DRC4: variants seen among roughly 807,000 people sequenced by gnomAD.
DRC4 encodes the protein GAS-11.
the DRC4 span, among the ~76,000 whole-genome samples, chr16:90,020,320 A>G: frequency 6.6e-6 from 1 of 151,918 alleles, no homozygotes; most frequent in Non-Finnish European, 1.5e-5. Context: ...AAAAAAAAGA[A>G]AAGAAAAGAA....
At chr16:90,026,171 T>A in the DRC4 span, among the ~76,000 whole-genome samples, 4 of 152,064 alleles carry the variant, frequency 2.6e-5, no homozygotes, top group Non-Finnish European at 5.9e-5. Flanking sequence ...GGCTGAAGAC[T>A]ACTGGGAGTA....
chr16:90,044,235 T>C, the DRC4 span: 2 of 452,074 alleles, frequency 4.4e-6, no homozygotes, highest in East Asian at 6.9e-5. Flanking sequence ...TGAAAACCTC[T>C]GTCAACAAAG....
the DRC4 span, among the ~76,000 whole-genome samples, chr16:90,021,171 A>C: frequency 6.6e-6 from 1 of 152,264 alleles, no homozygotes; most frequent in Non-Finnish European, 1.5e-5. Flanking sequence ...ATCAGGACTT[A>C]GGTGGGCAAA....
At chr16:90,025,238 T>G in the DRC4 span, among the ~76,000 whole-genome samples, 6 of 150,584 alleles carry the variant, frequency 4.0e-5, no homozygotes, top group Admixed American at 2.6e-4. Flanking sequence ...AGGCTGGTCT[T>G]GAACTGCTGA....
At chr16:90,035,369 C>G in the DRC4 span, among the ~76,000 whole-genome samples, 1 of 152,210 alleles carries the variant, frequency 6.6e-6, no homozygotes, top group African/African-American at 2.4e-5. Context: ...AAGCTACACA[C>G]GGCACCTGGA....
At chr16:90,041,445 C>T in the DRC4 span, among the ~76,000 whole-genome samples, 19 of 152,334 alleles carry the variant, frequency 1.2e-4, 1 homozygote, top group African/African-American at 2.2e-4. Context: ...TGCCTCGCCA[C>T]GTGGTGAGAC....
the DRC4 span, chr16:90,037,504 G>T: frequency 1.6e-5 from 20 of 1,288,766 alleles, no homozygotes; most frequent in Non-Finnish European, 2.1e-5. Context: ...CAGGAAGGGA[G>T]ACGGGGAGGC....
chr16:90,044,894 A>ATTTT, the DRC4 span: 1 of 219,338 alleles, frequency 4.6e-6, no homozygotes, highest in Non-Finnish European at 9.3e-6. Context: ...GCTGGCATAT[A>ATTTT]TTTTTCCAGA....
chr16:90,037,324 C>T, the DRC4 span: 1 of 1,614,028 alleles, frequency 6.2e-7, no homozygotes, highest in Non-Finnish European at 8.5e-7. Context: ...CAGACCCTCT[C>T]CAGAAGGCTC....
chr16:90,037,377 A>C, the DRC4 span: 1 of 1,613,518 alleles, frequency 6.2e-7, no homozygotes, highest in Non-Finnish European at 8.5e-7. Context: ...GCAAACTACG[A>C]GAGGGACAAG....
At chr16:90,024,347 A>T in the DRC4 span, among the ~76,000 whole-genome samples, 1 of 152,158 alleles carries the variant, frequency 6.6e-6, no homozygotes, top group African/African-American at 2.4e-5. Flanking sequence ...TTAAAATCCA[A>T]AGGACTGAGC....
chr16:90,026,802 C>T, the DRC4 span, among the ~76,000 whole-genome samples: 1 of 151,620 alleles, frequency 6.6e-6, no homozygotes, highest in African/African-American at 2.4e-5. Context: ...CCTGCCTTGG[C>T]CTCCCAAAGT....
chr16:90,026,198 A>G, the DRC4 span, among the ~76,000 whole-genome samples: 1 of 152,168 alleles, frequency 6.6e-6, no homozygotes, highest in Non-Finnish European at 1.5e-5. Context: ...TCAGCAGGAT[A>G]GGATATGGAA....
At chr16:90,041,138 C>T in the DRC4 span, among the ~76,000 whole-genome samples, 1 of 152,222 alleles carries the variant, frequency 6.6e-6, no homozygotes, top group African/African-American at 2.4e-5. Context: ...GCTGCTAAGC[C>T]ACCGAAATGA....
At chr16:90,038,070 G>A in the DRC4 span, among the ~76,000 whole-genome samples, 1 of 152,204 alleles carries the variant, frequency 6.6e-6, no homozygotes. Context: ...AACTCATTCC[G>A]CAGCTTCTAA....
chr16:90,044,724 T>G, the DRC4 span: 1 of 416,336 alleles, frequency 2.4e-6, no homozygotes, highest in South Asian at 1.8e-5. Flanking sequence ...CCCTGCCACC[T>G]GTCAGACTTG....
the DRC4 span, chr16:90,029,320 C>T: frequency 4.4e-6 from 6 of 1,364,216 alleles, no homozygotes; most frequent in African/African-American, 3.0e-5. Context: ...AGACTCCTGC[C>T]CCGCAGCAGA....
At chr16:90,042,094 C>T in the DRC4 span, among the ~76,000 whole-genome samples, 7 of 152,000 alleles carry the variant, frequency 4.6e-5, no homozygotes, top group Admixed American at 1.3e-4. Context: ...TGTGAGCCAC[C>T]GTGCCCGGCT....
chr16:90,030,507 A>ATTT, the DRC4 span, among the ~76,000 whole-genome samples: 4 of 118,962 alleles, frequency 3.4e-5, no homozygotes, highest in Admixed American at 8.5e-5. Flanking sequence ...CTCCTGGCTA[A>ATTT]TTTTTTTTTT....
Sources: gnomAD v4.1 joint callset for allele counts (sites outside exome capture counted in the v4.1 genomes callset) on GRCh38, gnomAD v4.1.1 for gene constraint, MANE v1.5 for transcripts, NCBI Gene and HGNC (gene_info 2026-07-23, HGNC 2026-07-21) for gene names.